Variants in STPG2 observed in about 807,000 individuals in gnomAD.
STPG2 encodes the protein sperm-tail PG-rich repeat-containing protein 2.
Under a neutral mutation model 54.2 loss-of-function variants are expected in STPG2, and 56 were observed. The ratio of observed to expected loss-of-function variants is 1.03; its 90% CI spans 0.83 to 1.29. The LOEUF (loss-of-function observed/expected upper bound fraction) is 1.29. Among genes scored for constraint, STPG2 ranks in the 50% most tolerant of loss-of-function variants. The pLI, the probability that STPG2 is intolerant of heterozygous loss-of-function variation, is 0.00. For missense variants in STPG2, 596 were observed against 544.9 expected, an observed-to-expected ratio of 1.09 and a Z score of -0.93; for synonymous variants, 200 against 181.8, an observed-to-expected ratio of 1.10 and a Z score of -0.81.
At chr4:97,656,331 ATGCCAAGAAGGTTTG>A (rs1490324123) in intron 10 of STPG2, among the ~76,000 whole-genome samples, 2 of 152,192 alleles carry the variant, frequency 1.3e-5, no homozygotes, top group African/African-American at 4.8e-5. Context: ...TTCCATTCAA[ATGCCAAGAAGGTTTG>A]TGGCATGTAC....
chr4:97,870,430 A>G (rs544920300), intron 8 of STPG2, among the ~76,000 whole-genome samples: 1 of 151,646 alleles, frequency 6.6e-6, no homozygotes, highest in East Asian at 1.9e-4. Flanking sequence ...CATATATGAA[A>G]CAAAGGGATT....
At chr4:97,973,925 C>T (rs1734420509) in intron 6 of STPG2, among the ~76,000 whole-genome samples, 1 of 152,184 alleles carries the variant, frequency 6.6e-6, no homozygotes, top group South Asian at 2.1e-4. Flanking sequence ...TGGGGCACCA[C>T]CTAGTGGAGC....
rs1196687430 is a variant in STPG2, at chr4:97,956,228, T to G, written c.934-12221A>C. ...GGTAAAGGTCATCCTTCTTATTGGA[T>G]TGCAATACATGAATGCTTATTGTAA... is the stretch of plus-strand genomic sequence containing the variant. On this transcript the variant is annotated intron_variant, in intron 7 of 10. Transcript: ENST00000295268. 4.6e-5 allele frequency among the ~76,000 whole-genome samples: 7 copies of G among 152,136 alleles called. 1 individual carries two copies. Among genetic ancestry groups the G allele is most frequent in the Admixed American group, 4.6e-4 (7 of 15,268 alleles).
chr4:97,629,728 T>C (rs1560692779), intron 10 of STPG2, among the ~76,000 whole-genome samples: 1 of 151,992 alleles, frequency 6.6e-6, no homozygotes, highest in Admixed American at 6.6e-5. Flanking sequence ...TAATTTCATG[T>C]GTAAAATCTG....
intron 8 of STPG2, among the ~76,000 whole-genome samples, chr4:97,911,645 T>C (rs1197802455): frequency 1.3e-5 from 2 of 152,194 alleles, no homozygotes; most frequent in Non-Finnish European, 2.9e-5. Flanking sequence ...CTGGAGGAAT[T>C]TCAGCAACTC....
intron 9 of STPG2, among the ~76,000 whole-genome samples, chr4:97,814,005 T>C (rs1381165995): frequency 2.6e-5 from 4 of 152,014 alleles, no homozygotes; most frequent in Non-Finnish European, 5.9e-5. Flanking sequence ...GAATGTACTC[T>C]AAAAAGAATT....
At chr4:98,082,744 G>A (rs1343601515) in intron 5 of STPG2, among the ~76,000 whole-genome samples, 6 of 151,766 alleles carry the variant, frequency 4.0e-5, no homozygotes, top group South Asian at 2.1e-4. Context: ...GAGCCACCAC[G>A]CCCGGCTGGT....
At chr4:98,022,413 G>T (rs1433071531) in intron 5 of STPG2, among the ~76,000 whole-genome samples, 3 of 152,146 alleles carry the variant, frequency 2.0e-5, no homozygotes, top group Admixed American at 6.5e-5. Context: ...GCTTCCCTTT[G>T]TGGGTAACGT....
intron 10 of STPG2, among the ~76,000 whole-genome samples, chr4:97,682,945 T>G (rs994319894): frequency 2.0e-5 from 3 of 151,814 alleles, no homozygotes; most frequent in Non-Finnish European, 4.4e-5. Flanking sequence ...ACTATATGAT[T>G]CACTGAAAGA....
At chr4:97,816,639 T>C (rs1455748999) in intron 9 of STPG2, among the ~76,000 whole-genome samples, 1 of 152,152 alleles carries the variant, frequency 6.6e-6, no homozygotes, top group Non-Finnish European at 1.5e-5. Flanking sequence ...ATGAGCATCA[T>C]GCATCCTTTC....
chr4:98,093,516 T>C (rs1738752757), intron 5 of STPG2, among the ~76,000 whole-genome samples: 1 of 152,172 alleles, frequency 6.6e-6, no homozygotes. Context: ...CCTACACCAT[T>C]CATCTCTCCT....
intron 8 of STPG2, among the ~76,000 whole-genome samples, chr4:97,874,871 C>G (rs1730116990): frequency 6.6e-6 from 1 of 151,792 alleles, no homozygotes; most frequent in South Asian, 2.1e-4. Flanking sequence ...AAAGTTATGA[C>G]TCTCTCCGCC....
Position 97,886,207 on chromosome 4 carries a change from C to G in STPG2, c.1045-45275G>C, listed in dbSNP as rs1730563291. 2.0e-5 allele frequency among the ~76,000 whole-genome samples: 3 copies of G among 152,134 alleles called. No individual in the cohort carries two copies. The South Asian group carries it at 6.2e-4, about 32-fold the overall frequency. On this transcript the variant is annotated intron_variant, in intron 8 of 10. Transcript: ENST00000295268. Reference sequence around the variant, plus strand: ...TAGAGTGGCAAAATCGAAGTGTATTCTAGTAGAATTACTGAACTTTATAGA... The same window carrying G: ...TAGAGTGGCAAAATCGAAGTGTATTGTAGTAGAATTACTGAACTTTATAGA...
intron 5 of STPG2, among the ~76,000 whole-genome samples, chr4:98,068,941 T>G (rs1426663): frequency 0.4 from 60,183 of 151,796 alleles, 12,228 homozygotes; most frequent in Middle Eastern, 0.47. Flanking sequence ...TACAGTATTA[T>G]AATCTTATGG....
chr4:97,990,367 C>A (rs1233118282), intron 5 of STPG2, among the ~76,000 whole-genome samples: 1 of 152,050 alleles, frequency 6.6e-6, no homozygotes, highest in Non-Finnish European at 1.5e-5. Context: ...CACTAAAGGG[C>A]AGGTTTCCAC....
intron 10 of STPG2, among the ~76,000 whole-genome samples, chr4:97,561,441 CTTTAG>C (rs1287104141): frequency 6.6e-6 from 1 of 152,124 alleles, no homozygotes; most frequent in African/African-American, 2.4e-5. Flanking sequence ...TGCAAGAGCT[CTTTAG>C]TTTAATTAGA....
At chr4:97,754,570 C>G (rs1725673168) in intron 9 of STPG2, among the ~76,000 whole-genome samples, 1 of 152,054 alleles carries the variant, frequency 6.6e-6, no homozygotes, top group Non-Finnish European at 1.5e-5. Flanking sequence ...GCATGAGAGT[C>G]TGAATCCCCA....
intron 5 of STPG2, among the ~76,000 whole-genome samples, chr4:98,039,657 C>T (rs910263667): frequency 1.0e-4 from 15 of 148,784 alleles, no homozygotes; most frequent in African/African-American, 5.0e-5. Flanking sequence ...ACTGCCTTTG[C>T]ACCCCTTAAA....
intron 4 of STPG2, among the ~76,000 whole-genome samples, chr4:97,448,646 T>A (rs1417905739): frequency 6.6e-6 from 1 of 152,210 alleles, no homozygotes; most frequent in Non-Finnish European, 1.5e-5. Context: ...TCCCCAGTCA[T>A]GTGAAACTGA....
Sources: allele counts gnomAD v4.1 joint callset (sites outside exome capture counted in the v4.1 genomes callset), GRCh38; gene constraint gnomAD v4.1.1; transcripts MANE v1.5; gene names NCBI Gene and HGNC (gene_info 2026-07-23, HGNC 2026-07-21).